The following MYOM1 variants were observed in gnomAD, a reference collection of about 807,000 sequenced individuals.
The protein encoded by MYOM1 is myomesin-1.
Under a neutral mutation model 205.3 loss-of-function variants are expected in MYOM1, and 164 were observed. The ratio of observed to expected loss-of-function variants is 0.80; its 90% CI spans 0.70 to 0.91. MYOM1 has a LOEUF of 0.91. MYOM1 is among the 40% of genes least tolerant of loss of function. The probability of loss-of-function intolerance (pLI) is 0.00; values close to 1 mark genes in which losing one functional copy is unlikely to be tolerated. For missense variants in MYOM1, 2,011 were observed against 2,127.3 expected, an observed-to-expected ratio of 0.95 and a Z score of 1.08; for synonymous variants, 772 against 789.4, an observed-to-expected ratio of 0.98 and a Z score of 0.37.
intron 33 of MYOM1, among the ~76,000 whole-genome samples, chr18:3,082,164 C>T (rs1024874387): frequency 6.6e-6 from 1 of 152,374 alleles, no homozygotes; most frequent in East Asian, 1.9e-4. Context: ...TGGTCATGCT[C>T]GCTCCCTCGC....
rs1481016768 is a variant in MYOM1, at chr18:3,102,464, T to C, written c.3575+10A>G. On this transcript the variant is annotated intron_variant, in intron 23 of 37. Coordinates refer to ENST00000356443, the MANE Select transcript of MYOM1 (RefSeq NM_003803.4). ...AGGAAACCCATGATTGTGATTGACA[T>C]AGTCCTTACTTGTTGCCCTTGCTTT... 1 of 1,602,424 alleles carries C rather than the reference T, an allele frequency of 6.2e-7. No homozygotes were observed. Among genetic ancestry groups the C allele is most frequent in the South Asian group, 1.1e-5 (1 of 88,974 alleles).
At chr18:3,137,817 T>G (rs62074945) in intron 14 of MYOM1, among the ~76,000 whole-genome samples, 26,956 of 152,168 alleles carry the variant, frequency 0.18, 2,894 homozygotes, top group East Asian at 0.29. Flanking sequence ...AGATTTGGAA[T>G]TTTCTCCACA....
At chr18:3,188,690 CA>C (rs1399358171) in intron 4 of MYOM1, 57 bp downstream of exon 4, 14 of 1,414,812 alleles carry the variant, frequency 9.9e-6, no homozygotes, top group African/African-American at 7.3e-5. Context: ...CACACACACA[CA>C]CCCCTTATGA....
chr18:3,175,276 A>G (rs988460437), intron 6 of MYOM1, among the ~76,000 whole-genome samples: 5 of 152,178 alleles, frequency 3.3e-5, no homozygotes, highest in Non-Finnish European at 5.9e-5. Flanking sequence ...GGAGAAGGCT[A>G]TAAGTCTCCT....
intron 22 of MYOM1, among the ~76,000 whole-genome samples, chr18:3,107,899 C>A (rs958721472): frequency 2.0e-5 from 3 of 152,198 alleles, no homozygotes; most frequent in African/African-American, 7.2e-5. Flanking sequence ...GGTTACAAGA[C>A]AGGTGTAGTT....
In MYOM1 at chr18:3,126,793, C is replaced by T; in HGVS notation, c.2899G>A (p.Gly967Ser). 3 of 1,613,870 alleles carry T rather than the reference C, an allele frequency of 1.9e-6. No individual in the cohort carries two copies. The highest frequency in any genetic ancestry group is 2.2e-5 in the East Asian group (1 of 44,880). Reference sequence around the variant, plus strand: ...ACCTCGCGATAGTTCACATAATAGCCAGTAATTTCTGCCCCTCCAATCTTA... The same window carrying T: ...ACCTCGCGATAGTTCACATAATAGCTAGTAATTTCTGCCCCTCCAATCTTA... ...PDKIGGAEIT[G>S]YYVNYREVID... is the part of the protein sequence containing the mutation. The change falls in exon 19 of 38, where the codon GGC becomes AGC. Residue 967 changes from glycine to serine, a missense_variant. Transcript: ENST00000356443.
chr18:3,095,649 G>C (rs1567903101), intron 25 of MYOM1, among the ~76,000 whole-genome samples: 2 of 152,152 alleles, frequency 1.3e-5, no homozygotes, highest in Admixed American at 1.3e-4. Flanking sequence ...TGTTCAAGAA[G>C]GTTGGTTATC....
intron 16 of MYOM1, among the ~76,000 whole-genome samples, chr18:3,134,419 T>G (rs2079922634): frequency 6.6e-6 from 1 of 151,828 alleles, no homozygotes; most frequent in Non-Finnish European, 1.5e-5. Context: ...TTTTTTTCAG[T>G]TTGTAAAGAT....
At chr18:3,181,100 T>C (rs1053677742) in intron 5 of MYOM1, among the ~76,000 whole-genome samples, 10 of 152,136 alleles carry the variant, frequency 6.6e-5, no homozygotes, top group African/African-American at 2.4e-4. Flanking sequence ...CTACTTTTTG[T>C]ATTTTTAGTA....
At chr18:3,127,305 ATTTTTTTTTTT>A (rs1555620545) in intron 18 of MYOM1, among the ~76,000 whole-genome samples, 7 of 47,580 alleles carry the variant, frequency 1.5e-4, no homozygotes, top group African/African-American at 5.5e-4. Flanking sequence ...ATATATATAT[ATTTTTTTTTTT>A]TTTTTTTTTG....
At chr18:3,131,639 G>C in intron 16 of MYOM1, 143 bp from the exon 17 acceptor site, 2 of 782,850 alleles carry the variant, frequency 2.6e-6, no homozygotes, top group Admixed American at 6.0e-5. Context: ...ATGGGGTCTT[G>C]CTGTGTTTCC....
chr18:3,122,752 A>C (rs757180465), intron 19 of MYOM1, among the ~76,000 whole-genome samples: 3 of 152,228 alleles, frequency 2.0e-5, no homozygotes, highest in Non-Finnish European at 4.4e-5. Flanking sequence ...AATTACTAGA[A>C]TATACCAAAT....
chr18:3,106,523 T>G (rs1377939647), intron 22 of MYOM1, among the ~76,000 whole-genome samples: 1 of 152,208 alleles, frequency 6.6e-6, no homozygotes, highest in Non-Finnish European at 1.5e-5. Context: ...TTAAAAATTG[T>G]AATTTAAAAT....
chr18:3,188,679 A>G, intron 4 of MYOM1, 69 bp downstream of exon 4: 1 of 1,364,984 alleles, frequency 7.3e-7, no homozygotes, highest in Non-Finnish European at 9.8e-7. Flanking sequence ...ACACACACAC[A>G]CACACACACA....
chr18:3,211,884 GCACTTA>G (rs2081194891), intron 2 of MYOM1, among the ~76,000 whole-genome samples: 1 of 152,256 alleles, frequency 6.6e-6, no homozygotes, highest in African/African-American at 2.4e-5. Context: ...ACCAAGCCGA[GCACTTA>G]CACTCCACAG....
At chr18:3,123,055 G>A (rs932318989) in intron 19 of MYOM1, among the ~76,000 whole-genome samples, 13 of 152,182 alleles carry the variant, frequency 8.5e-5, no homozygotes, top group Admixed American at 5.9e-4. Context: ...TTGAACTCCC[G>A]GGTTGAAGCA....
At chr18:3,238,147 G>A in the MYOM1 span, among the ~76,000 whole-genome samples, 44 of 152,118 alleles carry the variant, frequency 2.9e-4, no homozygotes, top group Non-Finnish European at 4.4e-4. Flanking sequence ...ACAACTGGAC[G>A]GTCCCATCTC....
In MYOM1 at chr18:3,215,243, C is replaced by G. The variant is rs1380252236; in HGVS notation, c.-20G>C. On this transcript the variant is annotated 5_prime_UTR_variant, in exon 2 of 38. Coordinates refer to ENST00000356443, the MANE Select transcript of MYOM1 (RefSeq NM_003803.4). The stretch of plus-strand genomic sequence containing the variant: ...AGACATCCTGTGCCCCTTGAAGGAA[C>G]CGGGCCACCTGAAGGAAAACAACAC... 13 of 1,587,924 alleles carry G rather than the reference C, an allele frequency of 8.2e-6. No homozygotes were observed. The Admixed American group carries it at 1.6e-4, about 19-fold the overall frequency.
intron 21 of MYOM1, among the ~76,000 whole-genome samples, chr18:3,115,510 C>T (rs970323661): frequency 6.6e-6 from 1 of 152,148 alleles, no homozygotes; most frequent in Non-Finnish European, 1.5e-5. Flanking sequence ...ATGACCTCTT[C>T]TGCCAAAAGA....
Sources: gnomAD v4.1 joint callset for allele counts (sites outside exome capture counted in the v4.1 genomes callset) on GRCh38, gnomAD v4.1.1 for gene constraint, MANE v1.5 for transcripts, NCBI Gene and HGNC (gene_info 2026-07-23, HGNC 2026-07-21) for gene names.